Variants in USP9Y observed in about 807,000 individuals in gnomAD.
USP9Y encodes the protein ubiquitin carboxyl-terminal hydrolase 9Y.
USP9Y carries 41 observed loss-of-function variants against 53.1 expected under a neutral mutation model. That is an observed-to-expected ratio of 0.77 (90% CI 0.60 to 1.00). The LOEUF (loss-of-function observed/expected upper bound fraction) is 1.00. Ranked by LOEUF, USP9Y falls within the 50% of genes least tolerant of loss-of-function variation. USP9Y has a pLI of 0.00. For synonymous variants in USP9Y, 220 were observed against 173.7 expected (o/e 1.27, Z -2.09); for missense variants, 567 against 535.8 (o/e 1.06, Z -0.58).
chrY:12,843,795 G>A (rs990269171), intron 39 of USP9Y, among the ~76,000 whole-genome samples: 1 of 32,665 alleles, frequency 3.1e-5, no homozygotes, highest in Non-Finnish European at 7.5e-5. Context: ...AGTGCCTCTA[G>A]AATGCTTACC....
intron 27 of USP9Y, among the ~76,000 whole-genome samples, chrY:12,801,737 G>T: frequency 2.9e-5 from 1 of 33,965 alleles, no homozygotes; most frequent in Non-Finnish European, 7.3e-5. Context: ...GGGTGTATAT[G>T]TGCATAAAAT....
intron 24 of USP9Y, among the ~76,000 whole-genome samples, chrY:12,787,485 C>T (rs748437003): frequency 4.9e-4 from 16 of 32,939 alleles, no homozygotes; most frequent in African/African-American, 1.7e-3. Flanking sequence ...CATTATTGAC[C>T]TAAGATAAAA....
In USP9Y at chrY:12,812,945, A is replaced by G; in HGVS notation, c.4502A>G (p.Asn1501Ser). 2.5e-6 allele frequency: 1 copy of G among 398,518 alleles called. No homozygotes were observed. Among genetic ancestry groups the G allele is most frequent in the African/African-American group, 6.1e-5 (1 of 16,277 alleles). Residue 1501 changes from asparagine to serine, a missense_variant, in exon 31 of 46, where the codon AAT becomes AGT. Physicochemically the swap from Asn to Ser is conservative, Grantham distance 46. Coordinates refer to ENST00000338981, the MANE Select transcript of USP9Y (RefSeq NM_004654.4). ...GTCTGTAGTTCACCCGTTACCATCA[A>G]TGCCGGTTTTGAGCTACTTGTAGCA... ...IPVCSSPVTINAGFELLVALA... is the reference protein window; with the variant it reads ...IPVCSSPVTISAGFELLVALA...
At chrY:12,848,531 C>T (rs2148292891) in intron 42 of USP9Y, among the ~76,000 whole-genome samples, 1 of 33,440 alleles carries the variant, frequency 3.0e-5, no homozygotes, top group East Asian at 7.8e-4. Context: ...GAAGACCTTG[C>T]CCATCCTATC....
At chrY:12,743,600 T>A (rs2053458395) in intron 12 of USP9Y, among the ~76,000 whole-genome samples, 1 of 33,383 alleles carries the variant, frequency 3.0e-5, no homozygotes, top group Non-Finnish European at 7.4e-5. Flanking sequence ...GAGCATCATG[T>A]CACCATGCAG....
chrY:12,829,145 TGAAAG>T (rs2053549101), intron 33 of USP9Y, among the ~76,000 whole-genome samples: 1 of 33,111 alleles, frequency 3.0e-5, no homozygotes, highest in Non-Finnish European at 7.5e-5. Flanking sequence ...ATTATTAGCA[TGAAAG>T]GAAAGAGGAC....
intron 34 of USP9Y, among the ~76,000 whole-genome samples, chrY:12,836,286 T>G: frequency 3.0e-5 from 1 of 33,833 alleles, no homozygotes; most frequent in Non-Finnish European, 7.3e-5. Context: ...AGGCTTTTTT[T>G]AGAGCTTGAT....
intron 3 of USP9Y, among the ~76,000 whole-genome samples, chrY:12,718,221 A>C: frequency 3.0e-5 from 1 of 33,828 alleles, no homozygotes; most frequent in African/African-American, 1.2e-4. Flanking sequence ...ATTGGAATGA[A>C]ATCATTAATC....
In USP9Y at chrY:12,758,634, A is replaced by G; in HGVS notation, c.1758A>G (p.Gln586=). The part of the protein sequence containing the change: ...EICSLFGEAS[Q]NLSQTQRSPH... ...GTAGTTTGTTTGGTGAAGCATCTCA[A>G]AATTTGAGGTAAGACTTTTTTAATA... The change falls in exon 14 of 46, where the codon CAA becomes CAG. Residue 586 remains glutamine (Q), a synonymous_variant. Coordinates refer to ENST00000338981, the MANE Select transcript of USP9Y (RefSeq NM_004654.4). The G allele has an allele frequency of 5.3e-6, 2 of 376,619 alleles. No individual in the cohort carries two copies. The highest frequency in any genetic ancestry group is 7.5e-6 in the Non-Finnish European group (2 of 266,861). 93.9% of individuals were successfully genotyped at this position (376,619 alleles called of 400,897 possible).
chrY:12,777,948 G>A, intron 19 of USP9Y, 71 bp from the exon 20 acceptor site: 1 of 251,632 alleles, frequency 4.0e-6, no homozygotes, highest in Non-Finnish European at 6.0e-6. Context: ...GTTTTTTTTA[G>A]CAGTCTGCTG....
chrY:12,818,269 A>G, intron 32 of USP9Y, 151 bp from the exon 33 acceptor site: 2 of 150,519 alleles, frequency 1.3e-5, no homozygotes, highest in South Asian at 5.1e-5. Flanking sequence ...CTGTGAAATG[A>G]GCACTAATAT....
At chrY:12,790,313 G>C in intron 24 of USP9Y, 94 bp from the exon 25 acceptor site, 1 of 251,968 alleles carries the variant, frequency 4.0e-6, no homozygotes, top group Non-Finnish European at 6.4e-6. Flanking sequence ...AAGTGGTGAT[G>C]GATGAGGAGT....
intron 33 of USP9Y, among the ~76,000 whole-genome samples, chrY:12,825,389 C>T: frequency 6.0e-5 from 2 of 33,286 alleles, no homozygotes; most frequent in Non-Finnish European, 1.5e-4. Context: ...AGGTGTCTAA[C>T]GGTTGGTACC....
intron 17 of USP9Y, among the ~76,000 whole-genome samples, 196 bp from the exon 18 acceptor site, chrY:12,775,275 G>A: frequency 6.2e-5 from 2 of 32,268 alleles, no homozygotes; most frequent in East Asian, 1.6e-3. Flanking sequence ...TTAAGCAAAC[G>A]GCTTTGTTCA....
chrY:12,842,490 T>C, intron 38 of USP9Y, 25 bp downstream of exon 38: 2 of 342,193 alleles, frequency 5.8e-6, no homozygotes, highest in Non-Finnish European at 8.5e-6. Flanking sequence ...TTTTTTTTTT[T>C]TTAAGCAATT....
At chrY:12,831,195 G>A (rs2053550445) in intron 33 of USP9Y, among the ~76,000 whole-genome samples, 1 of 32,981 alleles carries the variant, frequency 3.0e-5, no homozygotes, top group Non-Finnish European at 7.4e-5. Context: ...TGTGAAGACA[G>A]ACTAATATGA....
chrY:12,841,532 A>G (rs2053561217), intron 37 of USP9Y, among the ~76,000 whole-genome samples: 1 of 32,147 alleles, frequency 3.1e-5, no homozygotes, highest in Non-Finnish European at 7.6e-5. Flanking sequence ...GTCTCAACAA[A>G]AAGTTAAATT....
intron 27 of USP9Y, among the ~76,000 whole-genome samples, chrY:12,807,517 C>A: frequency 3.7e-5 from 1 of 27,219 alleles, no homozygotes; most frequent in African/African-American, 1.5e-4. Flanking sequence ...GCATACACCA[C>A]CACGCCTTGC....
intron 42 of USP9Y, among the ~76,000 whole-genome samples, chrY:12,848,919 T>G (rs2148292926): frequency 4.1e-4 from 14 of 33,804 alleles, no homozygotes; most frequent in African/African-American, 1.6e-3. Flanking sequence ...TCTTTTGGCT[T>G]AGGATTGTCT....
Sources: allele counts gnomAD v4.1 joint callset (sites outside exome capture counted in the v4.1 genomes callset), GRCh38; gene constraint gnomAD v4.1.1; transcripts MANE v1.5; gene names NCBI Gene and HGNC (gene_info 2026-07-23, HGNC 2026-07-21).